The following AXIN1 variants were observed in gnomAD, a reference collection of about 807,000 sequenced individuals.
AXIN1 encodes the protein axin 1, also known as axin-1.
In AXIN1, 30 loss-of-function variants were observed where a neutral mutation model predicts 76.4. The observed-to-expected ratio is 0.39, with a 90% CI of 0.29 to 0.53. AXIN1 has a LOEUF of 0.53. Ranked by LOEUF, AXIN1 falls within the 20% of genes least tolerant of loss-of-function variation. The pLI, the probability that AXIN1 is intolerant of heterozygous loss-of-function variation, is 0.66. For synonymous variants in AXIN1, 545 were observed against 501.4 expected (o/e 1.09, Z -1.16); for missense variants, 1,140 against 1,198.8 (o/e 0.95, Z 0.72).
intron 5 of AXIN1, 140 bp downstream of exon 5, chr16:304,164 G>C: frequency 7.1e-7 from 1 of 1,414,354 alleles, no homozygotes; most frequent in Non-Finnish European, 9.8e-7. Context: ...AAGGGGAACA[G>C]GGGACTCAGC....
At chr16:342,824 G>T (rs924790328) in intron 2 of AXIN1, among the ~76,000 whole-genome samples, 1 of 152,246 alleles carries the variant, frequency 6.6e-6, no homozygotes, top group Non-Finnish European at 1.5e-5. Context: ...GGCAAAGTCA[G>T]AATGGCACAA....
rs928803653 is a variant in AXIN1, at chr16:288,448, G to A, written c.2463-200C>T. ...CATGTGGGTGAAGTGGGCAGCCATG[G>A]GGGGTGAGTTCACTGCCTGCTGGGA... is the stretch of plus-strand genomic sequence containing the variant. On this transcript the variant is annotated intron_variant, in intron 10 of 10. Transcript: ENST00000262320. The A allele has an allele frequency of 5.2e-6, 4 of 765,004 alleles. No homozygotes were observed. In the African/African-American group the frequency reaches 6.9e-5, roughly 13 times the overall value. The allele number at this position is 765,004 out of a possible 1,614,324, so 47.4% of individuals were successfully genotyped here.
chr16:292,454 C>G (rs1246790133), intron 8 of AXIN1: 15 of 152,260 alleles, frequency 9.9e-5, no homozygotes, highest in Admixed American at 9.8e-4. Flanking sequence ...TGGGAAGGGT[C>G]TGAACCCTGA....
intron 2 of AXIN1, among the ~76,000 whole-genome samples, chr16:315,002 C>T (rs1252469603): frequency 6.6e-6 from 1 of 152,260 alleles, no homozygotes; most frequent in East Asian, 1.9e-4. Context: ...AGAAATGGGA[C>T]GCAGATGTTC....
At chr16:343,072 G>A (rs140433981) in intron 2 of AXIN1, among the ~76,000 whole-genome samples, 2 of 152,112 alleles carry the variant, frequency 1.3e-5, no homozygotes, top group African/African-American at 4.8e-5. Flanking sequence ...CTGCACCACA[G>A]GCCACCTCCC....
intron 2 of AXIN1, among the ~76,000 whole-genome samples, chr16:332,299 T>C (rs113150906): frequency 0.01 from 1,593 of 152,302 alleles, 17 homozygotes; most frequent in African/African-American, 0.02. Flanking sequence ...GCAGCCAGGC[T>C]GGGCGCGGTG....
chr16:288,258 G>C lies in AXIN1; in HGVS notation c.2463-10C>G. On this transcript the variant is annotated splice_polypyrimidine_tract_variant and intron_variant, in intron 10 of 10. Coordinates refer to ENST00000262320, the MANE Select transcript of AXIN1 (RefSeq NM_003502.4). Reference sequence around the variant, plus strand: ...TTTCTTGAAGTAGTATCTGCAGGACGGAGGTGAGGAGGGCAGTGAGCAGGC... The same window carrying C: ...TTTCTTGAAGTAGTATCTGCAGGACCGAGGTGAGGAGGGCAGTGAGCAGGC... 1 of 1,613,422 alleles carries C rather than the reference G, an allele frequency of 6.2e-7. No individual in the cohort carries two copies. The highest frequency in any genetic ancestry group is 8.5e-7 in the Non-Finnish European group (1 of 1,179,990).
intron 1 of AXIN1, among the ~76,000 whole-genome samples, chr16:351,751 T>C (rs201994583): frequency 5.7e-5 from 6 of 105,634 alleles, no homozygotes; most frequent in Non-Finnish European, 8.5e-5. Flanking sequence ...ACAAAAAATA[T>C]ATATATATAT....
At chr16:316,602 G>T (rs542898721) in intron 2 of AXIN1, among the ~76,000 whole-genome samples, 1 of 152,282 alleles carries the variant, frequency 6.6e-6, no homozygotes, top group East Asian at 1.9e-4. Flanking sequence ...CGCACAGAGC[G>T]GTAAGACTGC....
intron 7 of AXIN1, among the ~76,000 whole-genome samples, chr16:295,954 T>A (rs1236479482): frequency 1.4e-5 from 2 of 144,062 alleles, no homozygotes; most frequent in Admixed American, 1.4e-4. Flanking sequence ...GCGACAGAGC[T>A]AGACTCCGTC....
At chr16:324,087 C>T (rs1255616109) in intron 2 of AXIN1, among the ~76,000 whole-genome samples, 1 of 152,208 alleles carries the variant, frequency 6.6e-6, no homozygotes, top group East Asian at 1.9e-4. Context: ...CAGGAGAGCC[C>T]TGCAGCCCAC....
At chr16:302,173 C>T (rs937337499) in intron 5 of AXIN1, among the ~76,000 whole-genome samples, 1 of 152,240 alleles carries the variant, frequency 6.6e-6, no homozygotes, top group African/African-American at 2.4e-5. Flanking sequence ...ACAGGGACCA[C>T]GCGGCACTGA....
rs193112622 is a variant in AXIN1, at chr16:299,096, C to T, written c.1255-845G>A. 2,144 of 985,410 alleles carry T rather than the reference C, an allele frequency of 2.2e-3. 5 individuals carry two copies. The highest frequency in any genetic ancestry group is 2.4e-3 in the Non-Finnish European group (2,029 of 829,928). The allele number at this position is 985,410 out of a possible 1,614,324, so 61.0% of individuals were successfully genotyped here. ...ATTATATTTTAAGGAGAACCTTGTA[C>T]AGAACGGCTCTTGGGTTATGTACAT... On this transcript the variant is annotated intron_variant, in intron 5 of 10. Coordinates refer to ENST00000262320, the MANE Select transcript of AXIN1 (RefSeq NM_003502.4).
At chr16:290,289 T>A (rs2052519314) in intron 9 of AXIN1, 1 of 157,940 alleles carries the variant, frequency 6.3e-6, no homozygotes, top group Admixed American at 6.0e-5. Context: ...TCCTCCTGGC[T>A]GGGTGCACCA....
At chr16:290,955 CG>C in intron 9 of AXIN1, 1 of 585,908 alleles carries the variant, frequency 1.7e-6, no homozygotes, top group Middle Eastern at 4.6e-4. Context: ...GGCCTCCAGC[CG>C]GGCCTTTTGG....
Position 346,750 on chromosome 16 carries a change from C to G in AXIN1, c.276G>C (p.Leu92=), listed in dbSNP as rs764927525. The change falls in exon 2 of 11, where the codon CTG becomes CTC. Residue 92 remains leucine, a synonymous_variant. Transcript: ENST00000262320. ...YLKWAESLHS[L]LDDQDGISLF... is the part of the protein sequence containing the mutation. Reference sequence around the variant, plus strand: ...GGCTTATCCCATCTTGGTCATCCAGCAGGGAATGCAGTGACTCAGCCCACT... The same window carrying G: ...GGCTTATCCCATCTTGGTCATCCAGGAGGGAATGCAGTGACTCAGCCCACT... The G allele has an allele frequency of 6.2e-7, 1 of 1,601,978 alleles. No homozygotes were observed. The highest frequency in any genetic ancestry group is 1.1e-5 in the South Asian group (1 of 89,848).
At position 291,263 on chromosome 16, in the gene AXIN1, A is replaced by G. The variant is rs1231534414; in HGVS notation, c.2221T>C (p.Cys741Arg). The G allele has an allele frequency of 2.5e-6, 4 of 1,582,632 alleles. No homozygotes were observed. Among genetic ancestry groups the G allele is most frequent in the Admixed American group, 1.8e-5 (1 of 54,446 alleles). The change falls in exon 9 of 11, where the codon TGC (cysteine) becomes CGC (arginine). Residue 741 changes from cysteine to arginine, a missense_variant. Cys to Arg is a radical substitution (Grantham distance 180). Coordinates refer to ENST00000262320, the MANE Select transcript of AXIN1 (RefSeq NM_003502.4). The part of the protein sequence containing the change: ...VQEVMRRGRA[C>R]VRPACAPVLH... ...ACCGGCGCGCACGCTGGCCTGACGC[A>G]GGCGCGTCCCCGCCGCATAACCTCC...
chr16:334,067 C>G (rs928097702), intron 2 of AXIN1, among the ~76,000 whole-genome samples: 1 of 151,660 alleles, frequency 6.6e-6, no homozygotes, highest in Non-Finnish European at 1.5e-5. Context: ...ACACAGCACC[C>G]AGTACCAAGG....
intron 10 of AXIN1, 92 bp downstream of exon 10, chr16:289,348 A>T (rs2052484970): frequency 1.1e-5 from 17 of 1,531,122 alleles, no homozygotes; most frequent in Admixed American, 1.7e-5. Flanking sequence ...TTAGGACGTG[A>T]GCCACTGTGC....
Sources: gnomAD v4.1 joint callset for allele counts (sites outside exome capture counted in the v4.1 genomes callset) on GRCh38, gnomAD v4.1.1 for gene constraint, MANE v1.5 for transcripts, NCBI Gene and HGNC (gene_info 2026-07-23, HGNC 2026-07-21) for gene names.